Variants in TUSC3 observed in about 807,000 individuals in gnomAD.
TUSC3 encodes the protein tumor suppressor candidate 3.
TUSC3 carries 45 observed loss-of-function variants against 44.8 expected under a neutral mutation model. The ratio of observed to expected loss-of-function variants is 1.00; its 90% CI spans 0.79 to 1.29. The LOEUF (loss-of-function observed/expected upper bound fraction) is 1.29, where lower values mean the gene tolerates loss of function less well. TUSC3 is among the 50% of genes most tolerant of loss of function. The pLI, the probability that TUSC3 is intolerant of heterozygous loss-of-function variation, is 0.00. For synonymous variants in TUSC3, 212 were observed against 152.9 expected (o/e 1.39, Z -2.85); for missense variants, 519 against 437.9 (o/e 1.19, Z -1.65).
At chr8:15,642,995 A>T (rs1806450831) in intron 2 of TUSC3, among the ~76,000 whole-genome samples, 1 of 152,204 alleles carries the variant, frequency 6.6e-6, no homozygotes, top group Non-Finnish European at 1.5e-5. Flanking sequence ...TCCCCACACA[A>T]ATGTCACTTT....
downstream of TUSC3, among the ~76,000 whole-genome samples, chr8:15,766,919 T>C (rs547723494): frequency 2.6e-5 from 4 of 152,230 alleles, no homozygotes; most frequent in Admixed American, 6.6e-5. Flanking sequence ...GCGAACACAT[T>C]AGCTGGAGCA....
At chr8:15,750,337 A>G (rs903743550) in intron 9 of TUSC3, among the ~76,000 whole-genome samples, 1 of 152,036 alleles carries the variant, frequency 6.6e-6, no homozygotes, top group African/African-American at 2.4e-5. Context: ...GGCAAATTCT[A>G]ACTTTCCTTG....
rs1810683708 is a variant in TUSC3 at position 15,730,684 on chromosome 8, A to G, written c.817A>G (p.Ser273Gly). The change falls in exon 7 of 11, where the codon AGC becomes GGC. Residue 273 changes from serine to glycine, a missense_variant. Coordinates refer to ENST00000503731, the MANE Select transcript of TUSC3 (RefSeq NM_006765.4). ...NGQVSYIHGSSQAQFVAESHI... is the reference protein window; with the variant it reads ...NGQVSYIHGSGQAQFVAESHI... ...TTTATAGAGCTACATTCATGGGAGC[A>G]GCCAGGCTCAGTTTGTGGCAGAATC... The G allele has an allele frequency of 6.2e-7, 1 of 1,613,084 alleles. No individual in the cohort carries two copies. Among genetic ancestry groups the G allele is most frequent in the Non-Finnish European group, 8.5e-7 (1 of 1,179,428 alleles).
chr8:15,522,932 G>A (rs114540817), intron 2 of TUSC3, among the ~76,000 whole-genome samples: 3 of 152,300 alleles, frequency 2.0e-5, no homozygotes, highest in East Asian at 1.9e-4. Context: ...AGAGAGAGGC[G>A]CAGTGGGAGT....
chr8:15,795,276 T>C, the TUSC3 span, among the ~76,000 whole-genome samples: 1 of 152,142 alleles, frequency 6.6e-6, no homozygotes, highest in African/African-American at 2.4e-5. Flanking sequence ...GACCCTGCCT[T>C]GGCTTGCAAG....
At chr8:15,832,187 C>A in the TUSC3 span, among the ~76,000 whole-genome samples, 2 of 152,018 alleles carry the variant, frequency 1.3e-5, no homozygotes, top group Admixed American at 1.3e-4. Flanking sequence ...CACATCTGGC[C>A]AAATTAAGCT....
At chr8:15,837,852 G>T in the TUSC3 span, among the ~76,000 whole-genome samples, 1 of 151,948 alleles carries the variant, frequency 6.6e-6, no homozygotes, top group Admixed American at 6.6e-5. Context: ...GTAGTATCTT[G>T]GTTTAGAAGT....
chr8:15,746,974 A>C (rs544185416), intron 8 of TUSC3, among the ~76,000 whole-genome samples: 3 of 151,970 alleles, frequency 2.0e-5, no homozygotes, highest in Non-Finnish European at 4.4e-5. Context: ...TTTTCTCCCA[A>C]TATTCATTTG....
chr8:15,708,752 T>C (rs908819180), intron 6 of TUSC3, among the ~76,000 whole-genome samples: 1 of 151,936 alleles, frequency 6.6e-6, no homozygotes, highest in Non-Finnish European at 1.5e-5. Context: ...ATTATAATCA[T>C]GGCTTCTATT....
intron 1 of TUSC3, among the ~76,000 whole-genome samples, chr8:15,563,071 C>T (rs1180060085): frequency 2.6e-5 from 4 of 152,052 alleles, no homozygotes; most frequent in African/African-American, 9.7e-5. Flanking sequence ...CAAGCCTGCA[C>T]TTTTAGATTT....
chr8:15,843,621 T>TATATATATACACAC, the TUSC3 span, among the ~76,000 whole-genome samples: 65 of 146,754 alleles, frequency 4.4e-4, no homozygotes, highest in African/African-American at 1.7e-3. Flanking sequence ...TATATATATA[T>TATATATATACACAC]ACACGCACAT....
At chr8:15,723,933 G>A (rs528238469) in intron 6 of TUSC3, among the ~76,000 whole-genome samples, 1 of 152,224 alleles carries the variant, frequency 6.6e-6, no homozygotes, top group Admixed American at 6.6e-5. Flanking sequence ...TAGAATTACT[G>A]AGAGGTATGA....
At chr8:15,431,543 A>T (rs142460362) in intron 1 of TUSC3, among the ~76,000 whole-genome samples, 1 of 151,142 alleles carries the variant, frequency 6.6e-6, no homozygotes, top group African/African-American at 2.5e-5. Context: ...CAGTTTTGCT[A>T]AAGTCATGGA....
chr8:15,568,816 A>T (rs1357864260), intron 1 of TUSC3, among the ~76,000 whole-genome samples: 1 of 151,988 alleles, frequency 6.6e-6, no homozygotes, highest in Non-Finnish European at 1.5e-5. Flanking sequence ...TTTGTGTAAA[A>T]CTTTGTCATG....
intron 2 of TUSC3, among the ~76,000 whole-genome samples, chr8:15,644,780 G>A (rs1353160626): frequency 1.3e-5 from 2 of 151,508 alleles, no homozygotes; most frequent in African/African-American, 2.4e-5. Flanking sequence ...TATTTTTAAT[G>A]ATATACAGAT....
intron 2 of TUSC3, among the ~76,000 whole-genome samples, chr8:15,530,472 G>A (rs1191438460): frequency 6.6e-6 from 1 of 152,080 alleles, no homozygotes; most frequent in East Asian, 1.9e-4. Context: ...CATCTTCATG[G>A]TACCATTATT....
intron 2 of TUSC3, among the ~76,000 whole-genome samples, chr8:15,516,539 C>G (rs1201961406): frequency 6.6e-6 from 1 of 152,128 alleles, no homozygotes; most frequent in African/African-American, 2.4e-5. Context: ...ATTGAGATTA[C>G]TCTTCTTAAT....
chr8:15,543,116 G>A (rs980699591), intron 1 of TUSC3, among the ~76,000 whole-genome samples: 1 of 152,172 alleles, frequency 6.6e-6, no homozygotes, highest in Non-Finnish European at 1.5e-5. Context: ...ATAGCCCAGG[G>A]TTATTTTGAC....
chr8:15,550,576 C>T (rs1802027251), intron 1 of TUSC3, among the ~76,000 whole-genome samples: 1 of 151,726 alleles, frequency 6.6e-6, no homozygotes, highest in Non-Finnish European at 1.5e-5. Context: ...CCTACCCTGC[C>T]CCCATCCCCT....
Sources: gnomAD v4.1 joint callset for allele counts (sites outside exome capture counted in the v4.1 genomes callset) on GRCh38, gnomAD v4.1.1 for gene constraint, MANE v1.5 for transcripts, NCBI Gene and HGNC (gene_info 2026-07-23, HGNC 2026-07-21) for gene names.